Variants in NEDD4 observed in about 807,000 individuals in gnomAD.
The protein encoded by NEDD4 is NEDD4 E3 ubiquitin protein ligase, also known as E3 ubiquitin-protein ligase NEDD4.
Under a neutral mutation model 144.9 loss-of-function variants are expected in NEDD4, and 99 were observed. The ratio of observed to expected loss-of-function variants is 0.68; its 90% CI spans 0.58 to 0.81. The LOEUF is 0.81. Among genes scored for constraint, NEDD4 ranks in the 30% least tolerant of loss-of-function variants. The pLI is 0.00. For missense variants in NEDD4, 985 were observed against 1,065.9 expected (o/e 0.92, Z 1.06); for synonymous variants, 318 against 350.6 (o/e 0.91, Z 1.04).
At chr15:55,983,971 G>C (rs1273496169) in intron 1 of NEDD4, among the ~76,000 whole-genome samples, 1 of 152,098 alleles carries the variant, frequency 6.6e-6, no homozygotes, top group Non-Finnish European at 1.5e-5. Flanking sequence ...ATATTGATGT[G>C]TGATAATTTA....
At chr15:55,858,370 A>C (rs1175413266) in intron 11 of NEDD4, among the ~76,000 whole-genome samples, 3 of 152,116 alleles carry the variant, frequency 2.0e-5, no homozygotes, top group African/African-American at 7.2e-5. Context: ...GCAATGGTGC[A>C]ATCTCGGCTC....
chr15:55,965,182 G>T (rs1356617627), intron 2 of NEDD4, among the ~76,000 whole-genome samples: 1 of 152,110 alleles, frequency 6.6e-6, no homozygotes, highest in East Asian at 1.9e-4. Flanking sequence ...GTTTGGACAA[G>T]AGCCACAAAT....
intron 2 of NEDD4, among the ~76,000 whole-genome samples, chr15:55,964,382 A>C (rs1368036053): frequency 2.0e-5 from 3 of 151,976 alleles, no homozygotes; most frequent in Non-Finnish European, 4.4e-5. Context: ...ATCTATCTTT[A>C]AGTTCAGTTA....
rs1190858958 is a variant in NEDD4 at position 55,953,688 on chromosome 15, C to T, written c.120-2099G>A. Among the ~76,000 whole-genome samples, 8 of 152,024 alleles carry T rather than the reference C, an allele frequency of 5.3e-5. No individual in the cohort carries two copies. The South Asian group carries it at 6.2e-4, about 12-fold the overall frequency. ...AACTCTTGACCTCAGGTGATCTGCC[C>T]GCCTTGGCCTCACAAAGTGCTGGGA... On this transcript the variant is annotated intron_variant, in intron 2 of 28. Transcript: ENST00000435532.
chr15:55,839,819 T>A (rs1015450934), intron 21 of NEDD4, among the ~76,000 whole-genome samples: 3 of 150,516 alleles, frequency 2.0e-5, no homozygotes, highest in African/African-American at 7.3e-5. Flanking sequence ...CTACTAAATA[T>A]ACAAAAATTA....
chr15:55,858,209 C>A (rs1271501581), intron 11 of NEDD4, among the ~76,000 whole-genome samples: 1 of 152,052 alleles, frequency 6.6e-6, no homozygotes, highest in Non-Finnish European at 1.5e-5. Context: ...CATAGTATTA[C>A]ACTATATGGT....
intron 5 of NEDD4, among the ~76,000 whole-genome samples, chr15:55,895,636 A>G (rs2035715194): frequency 1.3e-5 from 2 of 152,216 alleles, no homozygotes; most frequent in Admixed American, 6.5e-5. Context: ...CTCTACCCCT[A>G]GAATTTCTGA....
At position 55,847,323 on chromosome 15, in the gene NEDD4, T is replaced by C. The variant is rs112730468; in HGVS notation, c.1543-289A>G. On this transcript the variant is annotated intron_variant, in intron 17 of 28. Transcript: ENST00000435532. The stretch of plus-strand genomic sequence containing the variant: ...AAATTTCTTCCAGGTAGAGAAATAT[T>C]AGAAACAAAAATTTCCATTTCTAAA... 1.3e-5 allele frequency among the ~76,000 whole-genome samples: 2 copies of C among 152,310 alleles called. 1 individual carries two copies. Among genetic ancestry groups the C allele is most frequent in the African/African-American group, 4.8e-5 (2 of 41,574 alleles).
chr15:55,951,459 A>G (rs1336881654), intron 3 of NEDD4, 45 bp from the exon 4 acceptor site: 2 of 1,379,822 alleles, frequency 1.4e-6, no homozygotes, highest in East Asian at 5.1e-5. Context: ...GTTTTGTCTT[A>G]TAAAAATAAA....
chr15:55,903,377 T>C (rs2035973742), intron 5 of NEDD4, among the ~76,000 whole-genome samples: 1 of 152,192 alleles, frequency 6.6e-6, no homozygotes, highest in African/African-American at 2.4e-5. Flanking sequence ...TTTGCTAGAT[T>C]TGTGATTTTC....
chr15:55,955,251 A>T (rs67144308), intron 2 of NEDD4, among the ~76,000 whole-genome samples: 1 of 151,972 alleles, frequency 6.6e-6, no homozygotes, highest in Non-Finnish European at 1.5e-5. Flanking sequence ...TCAAATTTGC[A>T]GGCTCAAGTG....
Position 55,966,467 on chromosome 15 carries a change from A to G in NEDD4, c.119+6T>C. ...TTAAAATTATAATCCAAATAGATAT[A>G]CTTACCTAGCTCCCAATATATCCTT... On this transcript the variant is annotated splice_donor_region_variant and intron_variant, in intron 2 of 28. Transcript: ENST00000435532. 6.7e-7 allele frequency: 1 copy of G among 1,493,642 alleles called. No individual in the cohort carries two copies. The highest frequency in any genetic ancestry group is 9.0e-7 in the Non-Finnish European group (1 of 1,108,942). 92.5% of individuals were successfully genotyped at this position (1,493,642 alleles called of 1,614,324 possible).
intron 5 of NEDD4, among the ~76,000 whole-genome samples, chr15:55,883,432 T>G (rs1189061415): frequency 2.0e-5 from 3 of 152,166 alleles, no homozygotes; most frequent in African/African-American, 7.2e-5. Flanking sequence ...ACGGCATCTC[T>G]GAATGCACTC....
At chr15:55,847,724 T>C (rs540355057) in intron 17 of NEDD4, among the ~76,000 whole-genome samples, 47 of 148,192 alleles carry the variant, frequency 3.2e-4, no homozygotes, top group Non-Finnish European at 6.2e-4. Context: ...TTGTCCAGGC[T>C]GGAGTGTGGT....
At chr15:55,949,963 G>T (rs778882927) in intron 4 of NEDD4, among the ~76,000 whole-genome samples, 2 of 148,534 alleles carry the variant, frequency 1.3e-5, no homozygotes, top group African/African-American at 2.5e-5. Flanking sequence ...AAAAAAAAAA[G>T]AAAATACATA....
At chr15:55,984,950 T>C (rs779196060) in intron 1 of NEDD4, among the ~76,000 whole-genome samples, 6 of 152,220 alleles carry the variant, frequency 3.9e-5, no homozygotes, top group Non-Finnish European at 7.3e-5. Flanking sequence ...GAAGCAATTG[T>C]GTTCAACTGG....
intron 22 of NEDD4, 145 bp downstream of exon 22, chr15:55,838,364 G>A (rs925314553): frequency 8.2e-6 from 6 of 731,206 alleles, no homozygotes; most frequent in Non-Finnish European, 1.4e-5. Context: ...GTTAAAGAAA[G>A]TACAAATTCT....
At chr15:55,895,974 G>T (rs192646821) in intron 5 of NEDD4, among the ~76,000 whole-genome samples, 1 of 152,158 alleles carries the variant, frequency 6.6e-6, no homozygotes, top group Non-Finnish European at 1.5e-5. Context: ...GGTTTTATAC[G>T]AGGCATCTTA....
chr15:55,878,992 T>C (rs1213002729), intron 5 of NEDD4, among the ~76,000 whole-genome samples: 8 of 152,206 alleles, frequency 5.3e-5, no homozygotes, highest in Non-Finnish European at 8.8e-5. Context: ...CCAGCTAATT[T>C]TTTTGTGTTA....
Sources: gnomAD v4.1 joint callset for allele counts (sites outside exome capture counted in the v4.1 genomes callset) on GRCh38, gnomAD v4.1.1 for gene constraint, MANE v1.5 for transcripts, NCBI Gene and HGNC (gene_info 2026-07-23, HGNC 2026-07-21) for gene names.